CRTAC1: variants seen among roughly 807,000 people sequenced by gnomAD.
CRTAC1 encodes the protein acidic secreted protein in cartilage.
Under a neutral mutation model 67.8 loss-of-function variants are expected in CRTAC1, and 37 were observed. The observed-to-expected ratio is 0.55, with a 90% confidence interval of 0.42 to 0.72. The LOEUF (loss-of-function observed/expected upper bound fraction) is 0.72, where lower values mean the gene tolerates loss of function less well. CRTAC1 is among the 30% of genes least tolerant of loss of function. CRTAC1 has a pLI of 0.00. For synonymous variants in CRTAC1, 348 were observed against 371.0 expected (o/e 0.94, Z 0.71); for missense variants, 780 against 931.6 (o/e 0.84, Z 2.12).
At chr10:98,027,858 T>G (rs1228880175) in intron 1 of CRTAC1, among the ~76,000 whole-genome samples, 1 of 152,236 alleles carries the variant, frequency 6.6e-6, no homozygotes, top group Non-Finnish European at 1.5e-5. Context: ...AGCAGGCCGC[T>G]GGAGTGGAAA....
At chr10:97,997,021 T>C (rs1222352392) in intron 2 of CRTAC1, among the ~76,000 whole-genome samples, 1 of 130,110 alleles carries the variant, frequency 7.7e-6, no homozygotes, top group Non-Finnish European at 1.5e-5. Context: ...CACTCATAAG[T>C]GGGAATTGAA....
chr10:97,952,227 C>G (rs1488062393), intron 2 of CRTAC1, among the ~76,000 whole-genome samples: 2 of 151,980 alleles, frequency 1.3e-5, no homozygotes, highest in Admixed American at 1.3e-4. Flanking sequence ...TGGTGGGCAC[C>G]TGTAGTCCCA....
At chr10:97,982,604 C>A (rs562939689) in intron 2 of CRTAC1, among the ~76,000 whole-genome samples, 2 of 152,252 alleles carry the variant, frequency 1.3e-5, no homozygotes, top group African/African-American at 4.8e-5. Context: ...AATCATAATC[C>A]CCATCATCAA....
At chr10:98,026,784 G>C (rs1843242072) in intron 1 of CRTAC1, among the ~76,000 whole-genome samples, 1 of 152,208 alleles carries the variant, frequency 6.6e-6, no homozygotes, top group Non-Finnish European at 1.5e-5. Flanking sequence ...TGGCTTGGCA[G>C]CAGTGGGTTT....
At chr10:97,973,508 C>T (rs1273571814) in intron 2 of CRTAC1, among the ~76,000 whole-genome samples, 1 of 152,106 alleles carries the variant, frequency 6.6e-6, no homozygotes, top group Non-Finnish European at 1.5e-5. Flanking sequence ...GCAGAGCAGC[C>T]TCTGCATTTC....
At chr10:97,976,807 G>A (rs184597891) in intron 2 of CRTAC1, among the ~76,000 whole-genome samples, 158 of 152,258 alleles carry the variant, frequency 1.0e-3, no homozygotes, top group African/African-American at 3.5e-3. Flanking sequence ...ACTGTAATAG[G>A]TTACAATCTT....
chr10:97,937,292 T>A (rs2051105006), intron 2 of CRTAC1, among the ~76,000 whole-genome samples: 1 of 151,982 alleles, frequency 6.6e-6, no homozygotes, highest in Non-Finnish European at 1.5e-5. Flanking sequence ...GCTCCCTCCT[T>A]CATCTCCTTT....
At chr10:98,005,509 C>T (rs935950280) in intron 2 of CRTAC1, among the ~76,000 whole-genome samples, 5 of 151,836 alleles carry the variant, frequency 3.3e-5, no homozygotes, top group African/African-American at 1.2e-4. Context: ...AAATGTTACA[C>T]ACCACAACAA....
intron 3 of CRTAC1, among the ~76,000 whole-genome samples, chr10:97,935,319 C>T (rs1238400470): frequency 4.6e-5 from 7 of 152,206 alleles, no homozygotes; most frequent in Admixed American, 2.0e-4. Context: ...GGGTCTGACA[C>T]GCAATAGGTG....
chr10:98,011,107 A>G, intron 2 of CRTAC1, 31 bp downstream of exon 2: 2 of 1,595,932 alleles, frequency 1.3e-6, no homozygotes, highest in South Asian at 2.2e-5. Flanking sequence ...TCTGATTAAT[A>G]TCTGTCACAC....
intron 1 of CRTAC1, among the ~76,000 whole-genome samples, chr10:98,012,442 G>C (rs375825884): frequency 2.6e-5 from 4 of 152,178 alleles, no homozygotes; most frequent in Admixed American, 6.5e-5. Flanking sequence ...GTCCACAAAG[G>C]CTGCATGGGT....
At chr10:97,945,242 T>C (rs2051245425) in intron 2 of CRTAC1, among the ~76,000 whole-genome samples, 2 of 152,164 alleles carry the variant, frequency 1.3e-5, no homozygotes, top group South Asian at 4.1e-4. Context: ...TACTTGGATC[T>C]GAGGATATGG....
Position 97,895,994 on chromosome 10 carries a change from A to G in CRTAC1, c.1217-9T>C, listed in dbSNP as rs762001511. The G allele has an allele frequency of 1.2e-6, 2 of 1,612,272 alleles. No individual in the cohort carries two copies. The highest frequency in any genetic ancestry group is 1.7e-6 in the Non-Finnish European group (2 of 1,178,370). ...GTCGGTCACCACACCCCCTACAAACAATGCAGATTTCACCTCTGGCCGTAA... is the reference window on the plus strand; with the variant it reads ...GTCGGTCACCACACCCCCTACAAACGATGCAGATTTCACCTCTGGCCGTAA... On this transcript the variant is annotated splice_polypyrimidine_tract_variant and intron_variant, in intron 9 of 14. Transcript: ENST00000370597. This position sits in a 1 kb window ranked among gnomAD's most constrained non-coding sequence, Gnocchi z 4.2.
At chr10:97,865,767 C>A in intron 14 of CRTAC1, 53 bp from the exon 15 acceptor site, 1 of 1,492,390 alleles carries the variant, frequency 6.7e-7, no homozygotes. Context: ...GCGGCGGCTG[C>A]GCTACCAGAG....
chr10:97,896,045 G>A lies in CRTAC1; in HGVS notation c.1217-60C>T, dbSNP rs1023715214. 6.2e-6 allele frequency: 9 copies of A among 1,461,736 alleles called. No individual in the cohort carries two copies. The East Asian group carries it at 6.9e-5, about 11-fold the overall frequency. 90.5% of individuals were successfully genotyped at this position (1,461,736 alleles called of 1,614,324 possible). A position where few individuals can be genotyped will look rare whatever the true frequency, so the allele number is the denominator to read the frequency against. ...TCCAGGAGACCCACAAAGGAGACACGCTCCCAACCAAGTGCAGTATCCACA... is the reference window on the plus strand; with the variant it reads ...TCCAGGAGACCCACAAAGGAGACACACTCCCAACCAAGTGCAGTATCCACA... On this transcript the variant is annotated intron_variant, in intron 9 of 14. Coordinates refer to ENST00000370597, the MANE Select transcript of CRTAC1 (RefSeq NM_018058.7).
At chr10:97,980,301 T>G (rs2051871432) in intron 2 of CRTAC1, among the ~76,000 whole-genome samples, 1 of 152,218 alleles carries the variant, frequency 6.6e-6, no homozygotes, top group Admixed American at 6.5e-5. Context: ...ATGCACTTGC[T>G]TTTATTTTAG....
In CRTAC1 at chr10:98,015,185, C is replaced by G. The variant is rs117055689; in HGVS notation, c.25-3848G>C. The stretch of plus-strand genomic sequence containing the variant: ...AAAAATAAATAAAAGGAAAGAAATT[C>G]GGACACAGAGTACAAGGTGGGTAAA... On this transcript the variant is annotated intron_variant, in intron 1 of 14. Transcript: ENST00000370597. Among the ~76,000 whole-genome samples the G allele has an allele frequency of 6.3e-4, 96 of 152,278 alleles. 1 individual carries two copies. In the East Asian group the frequency reaches 0.018, roughly 28 times the overall value.
At chr10:97,969,788 G>C (rs1425302377) in intron 2 of CRTAC1, among the ~76,000 whole-genome samples, 1 of 152,052 alleles carries the variant, frequency 6.6e-6, no homozygotes, top group Non-Finnish European at 1.5e-5. Flanking sequence ...GGGTGCAAAT[G>C]GTTGCTGACG....
intron 1 of CRTAC1, 151 bp from the exon 2 acceptor site, chr10:98,011,488 C>T: frequency 1.3e-6 from 1 of 780,598 alleles, no homozygotes; most frequent in South Asian, 1.8e-5. Flanking sequence ...CAAGCCCTGC[C>T]CTCCCCTCCC....
Sources: gnomAD v4.1 joint callset for allele counts (sites outside exome capture counted in the v4.1 genomes callset) on GRCh38, gnomAD v4.1.1 for gene constraint, Gnocchi (gnomAD v3.1) non-coding constraint, MANE v1.5 for transcripts, NCBI Gene and HGNC (gene_info 2026-07-23, HGNC 2026-07-21) for gene names.